The following SLC13A3 variants were observed in gnomAD, a reference collection of about 807,000 sequenced individuals.
The protein encoded by SLC13A3 is Na(+)/dicarboxylate cotransporter 3.
Under a neutral mutation model 59.0 loss-of-function variants are expected in SLC13A3, and 40 were observed. The ratio of observed to expected loss-of-function variants is 0.68; its 90% CI spans 0.53 to 0.88. SLC13A3 has a LOEUF of 0.88. Ranked by LOEUF, SLC13A3 falls within the 40% of genes least tolerant of loss-of-function variation. The probability of loss-of-function intolerance (pLI) is 0.00; values close to 1 mark genes in which losing one functional copy is unlikely to be tolerated. For synonymous variants in SLC13A3, 317 were observed against 330.3 expected, an observed-to-expected ratio of 0.96 and a Z score of 0.44; for missense variants, 699 against 783.2, an observed-to-expected ratio of 0.89 and a Z score of 1.28.
chr20:46,619,841 C>T (rs1600570914), intron 1 of SLC13A3, among the ~76,000 whole-genome samples: 1 of 152,188 alleles, frequency 6.6e-6, no homozygotes, highest in African/African-American at 2.4e-5. Context: ...TCACAGCACT[C>T]GGTTCACAGA....
rs143943710 is a variant in SLC13A3 at position 46,596,421 on chromosome 20, G to C, written c.609-79C>G. Reference sequence around the variant, plus strand: ...GACTGCCTGGGAGTTGGGGAGCTAAGTGATCTTTCTAGAAGGTAATTTGGC... The same window carrying C: ...GACTGCCTGGGAGTTGGGGAGCTAACTGATCTTTCTAGAAGGTAATTTGGC... On this transcript the variant is annotated intron_variant, in intron 4 of 12. Transcript: ENST00000279027. The C allele has an allele frequency of 1.2e-3, 1,633 of 1,334,160 alleles. 17 individuals carry two copies. In the African/African-American group the frequency reaches 0.02, roughly 17 times the overall value. 82.6% of individuals were successfully genotyped at this position (1,334,160 alleles called of 1,614,324 possible).
At chr20:46,566,428 T>C in intron 10 of SLC13A3, 38 bp from the exon 11 acceptor site, 1 of 1,588,412 alleles carries the variant, frequency 6.3e-7, no homozygotes, top group Non-Finnish European at 8.6e-7. Flanking sequence ...CCCCAGCCCA[T>C]CCCCAGCTGC....
chr20:46,587,759 T>C (rs1358257418), intron 8 of SLC13A3, among the ~76,000 whole-genome samples: 1 of 152,188 alleles, frequency 6.6e-6, no homozygotes, highest in African/African-American at 2.4e-5. Context: ...TCAATCAATG[T>C]TGATTGAATG....
At chr20:46,584,494 G>T in intron 8 of SLC13A3, 1 of 985,414 alleles carries the variant, frequency 1.0e-6, no homozygotes, top group Non-Finnish European at 1.2e-6. Flanking sequence ...GCTAACCAAA[G>T]CTCTTTCCAC....
At chr20:46,572,445 AG>A (rs1328591414) in intron 10 of SLC13A3, among the ~76,000 whole-genome samples, 1 of 152,078 alleles carries the variant, frequency 6.6e-6, no homozygotes, top group East Asian at 1.9e-4. Context: ...CAGCATGCCC[AG>A]CGTCCCGCAG....
intron 6 of SLC13A3, among the ~76,000 whole-genome samples, chr20:46,591,080 G>A (rs1270642662): frequency 6.6e-6 from 1 of 151,940 alleles, no homozygotes; most frequent in Non-Finnish European, 1.5e-5. Flanking sequence ...TGAGGCAGGA[G>A]AATGGCCTGA....
chr20:46,655,989 AT>A (rs200972945), upstream of SLC13A3, among the ~76,000 whole-genome samples: 1,692 of 140,272 alleles, frequency 0.012, 44 homozygotes, highest in African/African-American at 0.043. Context: ...ATATATGTAT[AT>A]ATGTATACTA....
intron 6 of SLC13A3, among the ~76,000 whole-genome samples, chr20:46,589,884 G>T (rs2122670528): frequency 6.6e-6 from 1 of 152,290 alleles, no homozygotes; most frequent in East Asian, 1.9e-4. Context: ...TAGAGCTAAA[G>T]CCATAACACT....
At chr20:46,600,237 G>GGA (rs1475531421) in intron 3 of SLC13A3, among the ~76,000 whole-genome samples, 200 bp from the exon 4 acceptor site, 2 of 134,558 alleles carry the variant, frequency 1.5e-5, no homozygotes. Context: ...AGGGAGGGAG[G>GGA]GAGAGAGAGA....
chr20:46,614,164 C>T (rs1408364364), intron 1 of SLC13A3, among the ~76,000 whole-genome samples: 1 of 152,134 alleles, frequency 6.6e-6, no homozygotes, highest in Non-Finnish European at 1.5e-5. Context: ...ACTGTGGACA[C>T]CTGGATCTCA....
chr20:46,599,947 CT>C, intron 4 of SLC13A3, 23 bp downstream of exon 4: 1 of 1,544,156 alleles, frequency 6.5e-7, no homozygotes, highest in Non-Finnish European at 8.9e-7. Context: ...ACTGGGTCCT[CT>C]ATGAATTTCA....
chr20:46,621,991 C>A (rs1480723396), intron 1 of SLC13A3, among the ~76,000 whole-genome samples: 1 of 152,148 alleles, frequency 6.6e-6, no homozygotes, highest in African/African-American at 2.4e-5. Flanking sequence ...TAAATGGTGC[C>A]AAATTGTAAC....
intron 1 of SLC13A3, among the ~76,000 whole-genome samples, chr20:46,658,246 C>G (rs2063006445): frequency 6.6e-6 from 1 of 151,584 alleles, no homozygotes; most frequent in Non-Finnish European, 1.5e-5. Flanking sequence ...AGAAGCTGAA[C>G]ATAAAAAAAA....
intron 1 of SLC13A3, among the ~76,000 whole-genome samples, chr20:46,649,645 T>C (rs74489542): frequency 6.6e-6 from 1 of 152,132 alleles, no homozygotes. Flanking sequence ...TCCCAGAAGC[T>C]AGCGGTGTAA....
At chr20:46,647,507 T>G (rs1171016861) in intron 1 of SLC13A3, among the ~76,000 whole-genome samples, 3 of 152,124 alleles carry the variant, frequency 2.0e-5, no homozygotes, top group Admixed American at 6.5e-5. Flanking sequence ...GTTGATGTAG[T>G]CCCTGGGGTA....
chr20:46,628,343 C>T (rs187098551), intron 1 of SLC13A3, among the ~76,000 whole-genome samples: 29 of 152,214 alleles, frequency 1.9e-4, no homozygotes, highest in East Asian at 1.2e-3. Context: ...TCTTGCTGAG[C>T]GGGCCCAGGG....
intron 1 of SLC13A3, among the ~76,000 whole-genome samples, chr20:46,647,797 A>T (rs1159541403): frequency 2.0e-5 from 3 of 152,230 alleles, no homozygotes; most frequent in Admixed American, 1.3e-4. Context: ...GCAAAGCAGC[A>T]GTGGACAGAT....
intron 5 of SLC13A3, among the ~76,000 whole-genome samples, chr20:46,594,962 G>C (rs151099690): frequency 1.3e-5 from 2 of 152,264 alleles, no homozygotes; most frequent in Non-Finnish European, 2.9e-5. Context: ...TGCACACATA[G>C]CAAACCTCTC....
intron 1 of SLC13A3, among the ~76,000 whole-genome samples, chr20:46,662,910 T>G (rs1345045562): frequency 6.6e-6 from 1 of 152,174 alleles, no homozygotes; most frequent in African/African-American, 2.4e-5. Context: ...CTGACCTTGG[T>G]GTGAAGATAT....
Sources: gnomAD v4.1 joint callset for allele counts (sites outside exome capture counted in the v4.1 genomes callset) on GRCh38, gnomAD v4.1.1 for gene constraint, MANE v1.5 for transcripts, NCBI Gene and HGNC (gene_info 2026-07-23, HGNC 2026-07-21) for gene names.